The following WDR7 variants were observed in gnomAD, a reference collection of about 807,000 sequenced individuals.
WDR7 encodes WD repeat-containing protein 7.
A neutral mutation model predicts 169.4 loss-of-function variants in WDR7; 46 were observed. The ratio of observed to expected loss-of-function variants is 0.27; its 90% confidence interval spans 0.21 to 0.35. WDR7 has a LOEUF of 0.35. WDR7 is among the 10% of genes least tolerant of loss of function. The pLI is 1.00. For synonymous variants in WDR7, 612 were observed against 666.8 expected, an observed-to-expected ratio of 0.92 and a Z score of 1.27; for missense variants, 1,534 against 1,859.3, an observed-to-expected ratio of 0.83 and a Z score of 3.22.
chr18:56,973,832 C>T (rs1012146161), intron 26 of WDR7, among the ~76,000 whole-genome samples: 4 of 152,206 alleles, frequency 2.6e-5, no homozygotes, highest in Non-Finnish European at 5.9e-5. Flanking sequence ...GGAAGAGGCA[C>T]ATACCTGGTA....
intron 26 of WDR7, among the ~76,000 whole-genome samples, chr18:56,975,298 T>G (rs2047550475): frequency 6.6e-6 from 1 of 151,836 alleles, no homozygotes; most frequent in Non-Finnish European, 1.5e-5. Flanking sequence ...TGGGCAGACA[T>G]GGGAGAAGAA....
chr18:56,949,775 T>C (rs1013874316), intron 25 of WDR7, among the ~76,000 whole-genome samples: 1 of 152,240 alleles, frequency 6.6e-6, no homozygotes, highest in African/African-American at 2.4e-5. Flanking sequence ...TGTAACATTA[T>C]GCACTGGTCT....
intron 21 of WDR7, among the ~76,000 whole-genome samples, chr18:56,888,086 A>G (rs1464265347): frequency 6.6e-6 from 1 of 152,256 alleles, no homozygotes; most frequent in East Asian, 1.9e-4. Flanking sequence ...AGGCATAGAT[A>G]GTGAGTTCTA....
At chr18:56,763,047 G>T (rs1026938904) in intron 16 of WDR7, among the ~76,000 whole-genome samples, 5 of 151,794 alleles carry the variant, frequency 3.3e-5, no homozygotes, top group African/African-American at 1.2e-4. Flanking sequence ...TGCAAGCTCC[G>T]CCTCCTGGGT....
intron 21 of WDR7, among the ~76,000 whole-genome samples, chr18:56,910,509 TA>T (rs1325774358): frequency 1.3e-5 from 2 of 152,234 alleles, no homozygotes; most frequent in African/African-American, 4.8e-5. Context: ...CACTCCTATA[TA>T]GATTTTTGTC....
chr18:56,846,417 G>A (rs1355946826), intron 20 of WDR7, among the ~76,000 whole-genome samples: 4 of 152,046 alleles, frequency 2.6e-5, no homozygotes, highest in African/African-American at 4.8e-5. Context: ...TAAGTCTCAC[G>A]AGATCCCATG....
At chr18:56,950,735 T>C (rs2047169549) in intron 25 of WDR7, among the ~76,000 whole-genome samples, 1 of 152,218 alleles carries the variant, frequency 6.6e-6, no homozygotes, top group African/African-American at 2.4e-5. Context: ...CTTCTACTTA[T>C]TTTAAAGGAC....
Position 56,981,674 on chromosome 18 carries a change from A to C in WDR7, c.4164+19145A>C, listed in dbSNP as rs367936930. The stretch of plus-strand genomic sequence containing the variant: ...ATGGAAGAAATGCTGCCAAAAGGTC[A>C]AGTAAGATAAAAATTATGAGAAGTC... On this transcript the variant is annotated intron_variant, in intron 26 of 27. Transcript: ENST00000254442. Among the ~76,000 whole-genome samples the C allele has an allele frequency of 9.8e-5, 15 of 152,294 alleles. No individual in the cohort carries two copies. In the South Asian group the frequency reaches 1.0e-3, roughly 11 times the overall value.
chr18:56,800,108 TC>T (rs1317562663), intron 19 of WDR7, among the ~76,000 whole-genome samples: 9 of 152,210 alleles, frequency 5.9e-5, no homozygotes, highest in African/African-American at 2.2e-4. Context: ...TCTGTGGTCT[TC>T]TTACTGTCTG....
chr18:56,799,452 T>TCTGATG (rs1226742833), intron 19 of WDR7, among the ~76,000 whole-genome samples: 2 of 152,140 alleles, frequency 1.3e-5, no homozygotes, highest in Non-Finnish European at 2.9e-5. Flanking sequence ...TATGACATTT[T>TCTGATG]AATACTTGTT....
chr18:56,707,357 C>G (rs1443160227), intron 12 of WDR7, among the ~76,000 whole-genome samples: 1 of 151,872 alleles, frequency 6.6e-6, no homozygotes, highest in African/African-American at 2.4e-5. Flanking sequence ...CAACTATGGC[C>G]AGGTGGTTTT....
At chr18:56,742,768 G>A (rs1381094090) in intron 14 of WDR7, among the ~76,000 whole-genome samples, 1 of 152,134 alleles carries the variant, frequency 6.6e-6, no homozygotes, top group Non-Finnish European at 1.5e-5. Context: ...ATATTCAGAT[G>A]ATGGAAGCAG....
intron 13 of WDR7, among the ~76,000 whole-genome samples, chr18:56,730,546 C>T (rs2026560860): frequency 6.6e-6 from 1 of 151,920 alleles, no homozygotes; most frequent in Admixed American, 6.6e-5. Flanking sequence ...GCGGGCGGAT[C>T]ACGAGGTCAG....
At chr18:56,719,807 C>T (rs1190185762) in intron 13 of WDR7, among the ~76,000 whole-genome samples, 1 of 152,068 alleles carries the variant, frequency 6.6e-6, no homozygotes, top group African/African-American at 2.4e-5. Context: ...GGATATTTGT[C>T]CCTCAATTTC....
chr18:56,774,743 C>G (rs2145040717), intron 16 of WDR7, among the ~76,000 whole-genome samples: 1 of 152,096 alleles, frequency 6.6e-6, no homozygotes. Context: ...TAGATTTTGC[C>G]ATTTCAGTTG....
intron 20 of WDR7, among the ~76,000 whole-genome samples, chr18:56,854,545 G>A (rs2045689668): frequency 6.6e-6 from 1 of 152,168 alleles, no homozygotes; most frequent in South Asian, 2.1e-4. Context: ...AGGCATGACT[G>A]AAGCATGGAC....
chr18:56,690,202 A>G (rs1410463610), intron 7 of WDR7, among the ~76,000 whole-genome samples: 1 of 152,166 alleles, frequency 6.6e-6, no homozygotes, highest in Non-Finnish European at 1.5e-5. Context: ...TGAGCAATTG[A>G]TCAAATCTTT....
intron 5 of WDR7, among the ~76,000 whole-genome samples, chr18:56,683,157 G>A (rs1485062723): frequency 6.6e-6 from 1 of 152,068 alleles, no homozygotes; most frequent in African/African-American, 2.4e-5. Flanking sequence ...TTTTACCTTT[G>A]GGAAGAGCTG....
chr18:56,931,909 T>G lies in WDR7; in HGVS notation c.3714-3879T>G, dbSNP rs146107598. Among the ~76,000 whole-genome samples the G allele has an allele frequency of 7.5e-3, 1,132 of 151,654 alleles. 16 individuals are homozygous for G. Among genetic ancestry groups the G allele is most frequent in the African/African-American group, 0.024 (1,006 of 41,338 alleles). On this transcript the variant is annotated intron_variant, in intron 22 of 27. Coordinates refer to ENST00000254442, the MANE Select transcript of WDR7 (RefSeq NM_015285.3). ...TCAGGAGCATTGGTGTTGAAAAGAG[T>G]GAGTTGAAAATTAGGGAACTAGATT...
Sources: allele counts gnomAD v4.1 joint callset (sites outside exome capture counted in the v4.1 genomes callset), GRCh38; gene constraint gnomAD v4.1.1; transcripts MANE v1.5; gene names NCBI Gene and HGNC (gene_info 2026-07-23, HGNC 2026-07-21).